Variants in GALNT10 observed in about 807,000 individuals in gnomAD.
The protein encoded by GALNT10 is GalNAc transferase 10.
Under a neutral mutation model 75.0 loss-of-function variants are expected in GALNT10, and 41 were observed. That is an observed-to-expected ratio of 0.55 (90% CI 0.43 to 0.71). The LOEUF (loss-of-function observed/expected upper bound fraction) is 0.71, where lower values mean the gene tolerates loss of function less well. GALNT10 is among the 30% of genes least tolerant of loss of function. The pLI is 0.00. For missense variants in GALNT10, 727 were observed against 818.5 expected, an observed-to-expected ratio of 0.89 and a Z score of 1.36; for synonymous variants, 302 against 313.0, an observed-to-expected ratio of 0.96 and a Z score of 0.37.
intron 3 of GALNT10, among the ~76,000 whole-genome samples, chr5:154,322,256 C>CT (rs993679930): frequency 3.4e-4 from 52 of 152,238 alleles, no homozygotes; most frequent in African/African-American, 1.2e-3. Context: ...CCCTGGCTGT[C>CT]TATCAGCTGC....
At chr5:154,231,918 A>T (rs1313495319) in intron 1 of GALNT10, among the ~76,000 whole-genome samples, 2 of 152,196 alleles carry the variant, frequency 1.3e-5, no homozygotes, top group Admixed American at 6.5e-5. Flanking sequence ...TCCTGCATAC[A>T]GTCCAGTTGT....
intron 1 of GALNT10, among the ~76,000 whole-genome samples, chr5:154,271,580 G>A (rs537525686): frequency 6.6e-5 from 10 of 152,334 alleles, no homozygotes; most frequent in African/African-American, 1.2e-4. Flanking sequence ...CTGTCTGTCT[G>A]TCCTTCTCAT....
intron 2 of GALNT10, among the ~76,000 whole-genome samples, chr5:154,296,353 T>A (rs1287659513): frequency 6.6e-6 from 1 of 152,020 alleles, no homozygotes; most frequent in African/African-American, 2.4e-5. Flanking sequence ...ACCTCGGCCT[T>A]CCAAAGTGCT....
intron 3 of GALNT10, among the ~76,000 whole-genome samples, chr5:154,307,374 A>G (rs1561656516): frequency 6.6e-6 from 1 of 152,070 alleles, no homozygotes; most frequent in Non-Finnish European, 1.5e-5. Flanking sequence ...TTGTAATCCC[A>G]CTTTGGGAGG....
At chr5:154,368,452 C>G (rs1464469582) in intron 4 of GALNT10, among the ~76,000 whole-genome samples, 2 of 151,808 alleles carry the variant, frequency 1.3e-5, no homozygotes, top group South Asian at 4.2e-4. Flanking sequence ...AAGCTGTTAT[C>G]AAAAAGAAGA....
chr5:154,336,336 C>G (rs1214459954), intron 4 of GALNT10, among the ~76,000 whole-genome samples: 4 of 152,152 alleles, frequency 2.6e-5, no homozygotes, highest in Admixed American at 2.6e-4. Context: ...TTTCAGCTCA[C>G]TTAGGTAAAT....
chr5:154,400,330 G>A (rs1024569172), intron 7 of GALNT10, among the ~76,000 whole-genome samples: 1 of 152,142 alleles, frequency 6.6e-6, no homozygotes, highest in Admixed American at 6.5e-5. Flanking sequence ...CTCCCTTACT[G>A]TGTGGTGCAG....
chr5:154,293,611 A>ATTTT (rs912343114), intron 1 of GALNT10, among the ~76,000 whole-genome samples: 2 of 96,704 alleles, frequency 2.1e-5, no homozygotes, highest in African/African-American at 8.9e-5. Flanking sequence ...ATATATATAT[A>ATTTT]TATTTTTTTT....
chr5:154,340,318 C>T (rs548806893), intron 4 of GALNT10, among the ~76,000 whole-genome samples: 7 of 152,240 alleles, frequency 4.6e-5, no homozygotes, highest in African/African-American at 1.7e-4. Flanking sequence ...CTGTTGTAAG[C>T]GACTTAAATA....
chr5:154,388,084 G>A (rs1026785968), intron 7 of GALNT10: 1 of 151,804 alleles, frequency 6.6e-6, no homozygotes, highest in African/African-American at 2.4e-5. Flanking sequence ...TAGAGATAGG[G>A]TTTCGACATG....
intron 1 of GALNT10, among the ~76,000 whole-genome samples, chr5:154,217,152 C>T (rs1581922677): frequency 6.6e-6 from 1 of 152,160 alleles, no homozygotes; most frequent in Non-Finnish European, 1.5e-5. Flanking sequence ...CAGGCAGCCC[C>T]CACTTCCTTC....
chr5:154,410,597 A>G (rs549978791), intron 9 of GALNT10, among the ~76,000 whole-genome samples: 3 of 152,274 alleles, frequency 2.0e-5, no homozygotes, highest in African/African-American at 7.2e-5. Flanking sequence ...CCTTTCCTTC[A>G]TAAGTTCTTG....
intron 4 of GALNT10, among the ~76,000 whole-genome samples, chr5:154,370,910 G>T (rs1755553637): frequency 6.6e-6 from 1 of 152,202 alleles, no homozygotes; most frequent in Admixed American, 6.5e-5. Flanking sequence ...CTGCCAGCAG[G>T]CTGTATTCCT....
intron 1 of GALNT10, among the ~76,000 whole-genome samples, chr5:154,212,033 T>C (rs940050919): frequency 1.3e-5 from 2 of 152,216 alleles, no homozygotes; most frequent in Admixed American, 6.5e-5. Context: ...GAAGAAGTTA[T>C]GGACATTTTA....
chr5:154,236,698 T>C (rs561764716), intron 1 of GALNT10, among the ~76,000 whole-genome samples: 15 of 152,342 alleles, frequency 9.8e-5, no homozygotes, highest in African/African-American at 3.4e-4. Context: ...GCTGTCACTT[T>C]TGAGTATTTA....
chr5:154,207,357 TGGTTGCAGGGA>T (rs1200278675), intron 1 of GALNT10, among the ~76,000 whole-genome samples: 1 of 152,170 alleles, frequency 6.6e-6, no homozygotes, highest in African/African-American at 2.4e-5. Context: ...TTATCTGGTC[TGGTTGCAGGGA>T]GGTTGCAGGT....
chr5:154,238,388 T>C (rs936957256), intron 1 of GALNT10, among the ~76,000 whole-genome samples: 10 of 152,306 alleles, frequency 6.6e-5, no homozygotes, highest in African/African-American at 2.4e-4. Context: ...GCACTTTCTC[T>C]GGTGAAAGCA....
At chr5:154,378,637 G>GT (rs912494359) in intron 5 of GALNT10, among the ~76,000 whole-genome samples, 75 of 152,304 alleles carry the variant, frequency 4.9e-4, no homozygotes, top group African/African-American at 1.8e-3. Flanking sequence ...GATAGGTGCT[G>GT]TCTTCCTCCC....
At chr5:154,262,229 C>T (rs1369434825) in intron 1 of GALNT10, among the ~76,000 whole-genome samples, 1 of 150,392 alleles carries the variant, frequency 6.6e-6, no homozygotes, top group African/African-American at 2.5e-5. Context: ...AGGGAGGGGC[C>T]CAGACAGGTT....
Sources: allele counts gnomAD v4.1 joint callset (sites outside exome capture counted in the v4.1 genomes callset), GRCh38; gene constraint gnomAD v4.1.1; transcripts MANE v1.5; gene names NCBI Gene and HGNC (gene_info 2026-07-23, HGNC 2026-07-21).